MIR2052HG: variants seen among roughly 807,000 people sequenced by gnomAD.
The protein encoded by MIR2052HG is MIR2052 host gene.
At chr8:74,719,829 C>CTT (rs1182515871) in intron 4 of MIR2052HG, among the ~76,000 whole-genome samples, 2 of 124,198 alleles carry the variant, frequency 1.6e-5, no homozygotes, top group Non-Finnish European at 1.7e-5. Context: ...AGTGCTCCTT[C>CTT]TTTTTTTTTT....
chr8:74,613,011 G>A, intron 2 of MIR2052HG: 1 of 444,154 alleles, frequency 2.3e-6, no homozygotes, highest in Admixed American at 2.4e-5. Flanking sequence ...ACAGCTGTTT[G>A]AATCAGACAG....
intron 4 of MIR2052HG, among the ~76,000 whole-genome samples, chr8:74,744,572 G>A (rs573145351): frequency 3.3e-5 from 5 of 151,738 alleles, no homozygotes; most frequent in South Asian, 2.1e-4. Flanking sequence ...GAGAATATGC[G>A]GTGTTTGGTT....
At chr8:74,715,039 A>T (rs1809507236) in intron 4 of MIR2052HG, among the ~76,000 whole-genome samples, 1 of 152,156 alleles carries the variant, frequency 6.6e-6, no homozygotes, top group Non-Finnish European at 1.5e-5. Flanking sequence ...GCCAGGCATA[A>T]AACAATAAAT....
chr8:74,704,161 G>A (rs1230570032), intron 4 of MIR2052HG, among the ~76,000 whole-genome samples: 1 of 151,876 alleles, frequency 6.6e-6, no homozygotes, highest in African/African-American at 2.4e-5. Flanking sequence ...CTTTTCGTGG[G>A]TATCTGCAAT....
chr8:74,729,434 G>A (rs1291788193), intron 4 of MIR2052HG, among the ~76,000 whole-genome samples: 1 of 152,104 alleles, frequency 6.6e-6, no homozygotes, highest in African/African-American at 2.4e-5. Flanking sequence ...ACTATGACAT[G>A]CTATCAGCTG....
At chr8:74,750,196 T>C (rs1273706711) in intron 4 of MIR2052HG, among the ~76,000 whole-genome samples, 1 of 152,220 alleles carries the variant, frequency 6.6e-6, no homozygotes, top group Non-Finnish European at 1.5e-5. Context: ...CTAGCAGTAA[T>C]ATTTTATACT....
At chr8:74,743,649 A>G (rs1809854114) in intron 4 of MIR2052HG, among the ~76,000 whole-genome samples, 1 of 152,230 alleles carries the variant, frequency 6.6e-6, no homozygotes, top group South Asian at 2.1e-4. Context: ...AAACATTCTG[A>G]GAAATTAAAG....
chr8:74,673,887 GTATATATATA>G lies in MIR2052HG; in HGVS notation n.217-28477_217-28468del, dbSNP rs61228134. The stretch of plus-strand genomic sequence containing the variant: ...GTCACAATCAACACAGTATTTTTTT[GTATATATATA>G]TATATATATATATACACACACAAAA... On this transcript the variant is annotated intron_variant and non_coding_transcript_variant, in intron 2 of 6. Coordinates refer to ENST00000523442, the Ensembl canonical transcript of MIR2052HG. Among the ~76,000 whole-genome samples the G allele has an allele frequency of 2.7e-4, 33 of 121,668 alleles. No individual in the cohort carries two copies. In the South Asian group the frequency reaches 3.3e-3, roughly 12 times the overall value. 79.8% of individuals were successfully genotyped at this position (121,668 alleles called of 152,430 possible).
chr8:74,674,257 A>C (rs561769084), intron 2 of MIR2052HG, among the ~76,000 whole-genome samples: 70 of 151,460 alleles, frequency 4.6e-4, no homozygotes, highest in Admixed American at 1.2e-3. Context: ...TGTGTGATTG[A>C]TTAATTACAC....
chr8:74,727,274 T>G (rs942602072), intron 4 of MIR2052HG, among the ~76,000 whole-genome samples: 1 of 152,192 alleles, frequency 6.6e-6, no homozygotes, highest in Non-Finnish European at 1.5e-5. Flanking sequence ...AGCTAACTAG[T>G]CATGTTTATA....
At chr8:74,734,789 G>A (rs959814471) in intron 4 of MIR2052HG, among the ~76,000 whole-genome samples, 2 of 152,226 alleles carry the variant, frequency 1.3e-5, no homozygotes, top group African/African-American at 4.8e-5. Context: ...TTCAAAGGAT[G>A]CCAGATGACT....
chr8:74,602,877 T>TTTCTTTCTTTTCTTTC, intron 1 of MIR2052HG, among the ~76,000 whole-genome samples: 1 of 53,798 alleles, frequency 1.9e-5, no homozygotes, highest in Non-Finnish European at 3.4e-5. Context: ...TTCTTTCTTT[T>TTTCTTTCTTTTCTTTC]TTCTATTCAC....
chr8:74,603,830 G>T, intron 1 of MIR2052HG: 2 of 849,782 alleles, frequency 2.4e-6, no homozygotes, highest in Non-Finnish European at 4.2e-6. Flanking sequence ...GTTGAGTTGG[G>T]TAGCATATCC....
At chr8:74,661,982 A>C (rs1258380747) in intron 2 of MIR2052HG, among the ~76,000 whole-genome samples, 1 of 152,242 alleles carries the variant, frequency 6.6e-6, no homozygotes, top group Non-Finnish European at 1.5e-5. Flanking sequence ...ACAAAAATAT[A>C]GGTTTATCTA....
chr8:74,603,566 T>C, intron 1 of MIR2052HG: 1 of 1,545,206 alleles, frequency 6.5e-7, no homozygotes. Flanking sequence ...AATCCAGTGT[T>C]GCCATGCGTC....
chr8:74,637,615 T>G (rs188677055), intron 2 of MIR2052HG, among the ~76,000 whole-genome samples: 2 of 152,162 alleles, frequency 1.3e-5, no homozygotes, highest in Admixed American at 1.3e-4. Context: ...CTTTCATGAG[T>G]ATCACTCTGA....
intron 1 of MIR2052HG, chr8:74,603,751 A>T (rs765350059): frequency 2.5e-5 from 21 of 851,406 alleles, no homozygotes; most frequent in Non-Finnish European, 4.1e-5. Context: ...CTCCAACATG[A>T]CCACACAGAT....
chr8:74,714,314 C>T (rs116092768), intron 4 of MIR2052HG, among the ~76,000 whole-genome samples: 1 of 152,180 alleles, frequency 6.6e-6, no homozygotes, highest in South Asian at 2.1e-4. Context: ...ATTATATTTG[C>T]CAAATGCTAA....
At chr8:74,739,507 T>A (rs1809804509) in intron 4 of MIR2052HG, among the ~76,000 whole-genome samples, 1 of 152,188 alleles carries the variant, frequency 6.6e-6, no homozygotes, top group Non-Finnish European at 1.5e-5. Flanking sequence ...GAACAAATAC[T>A]TTAGAGTGCA....
Sources: gnomAD v4.1 joint callset for allele counts (sites outside exome capture counted in the v4.1 genomes callset) on GRCh38, gnomAD v4.1.1 for gene constraint, MANE v1.5 for transcripts, NCBI Gene and HGNC (gene_info 2026-07-23, HGNC 2026-07-21) for gene names.